Variants in DAB1 observed in about 807,000 individuals in gnomAD.
DAB1 encodes the protein DAB adaptor protein 1, also known as disabled homolog 1.
Under a neutral mutation model 64.6 loss-of-function variants are expected in DAB1, and 15 were observed. The observed-to-expected ratio is 0.23, with a 90% confidence interval of 0.16 to 0.36. The LOEUF is 0.36. Ranked by LOEUF, DAB1 falls within the 10% of genes least tolerant of loss-of-function variation. The pLI is 1.00. For missense variants in DAB1, 596 were observed against 706.7 expected (o/e 0.84, Z 1.78); for synonymous variants, 235 against 251.9 (o/e 0.93, Z 0.64).
chr1:57,077,086 G>C (rs369321266), intron 4 of DAB1, among the ~76,000 whole-genome samples: 1 of 152,274 alleles, frequency 6.6e-6, no homozygotes, highest in South Asian at 2.1e-4. Flanking sequence ...AGGAATGGGC[G>C]AAGGGCATCA....
intron 1 of DAB1, among the ~76,000 whole-genome samples, chr1:57,397,184 T>A (rs533302691): frequency 3.3e-5 from 5 of 152,220 alleles, no homozygotes; most frequent in African/African-American, 1.2e-4. Context: ...ATAGACCATT[T>A]TACACTTAGA....
At position 57,926,770 on chromosome 1, in the gene DAB1, G is replaced by A. The variant is rs576514912; in HGVS notation, n.388-42608C>T. Among the ~76,000 whole-genome samples, 3 of 152,292 alleles carry A rather than the reference G, an allele frequency of 2.0e-5. No homozygotes were observed. The East Asian group carries it at 5.8e-4, about 29-fold the overall frequency. Reference sequence around the variant, plus strand: ...GTTTGTAGTCATGAACTGATATCATGGGACATTGAATCTTCTCAAAATAAT... The same window carrying A: ...GTTTGTAGTCATGAACTGATATCATAGGACATTGAATCTTCTCAAAATAAT... On this transcript the variant is annotated intron_variant and non_coding_transcript_variant, in intron 5 of 20. Coordinates refer to the DAB1 transcript ENST00000485760.
chr1:57,483,582 A>G (rs1426236032), intron 7 of DAB1, among the ~76,000 whole-genome samples: 1 of 152,140 alleles, frequency 6.6e-6, no homozygotes, highest in African/African-American at 2.4e-5. Context: ...TAATACATTT[A>G]TTAATTCAAC....
At chr1:58,530,629 C>A (rs775812966) in intron 1 of DAB1, 5 of 872,692 alleles carry the variant, frequency 5.7e-6, no homozygotes, top group Non-Finnish European at 1.0e-5. Context: ...TATCCACTGG[C>A]ACAAAAGTGC....
At chr1:58,433,426 G>T (rs550187833) in intron 3 of DAB1, among the ~76,000 whole-genome samples, 1 of 152,150 alleles carries the variant, frequency 6.6e-6, no homozygotes, top group East Asian at 1.9e-4. Context: ...CACAGACTGA[G>T]AAATTTATAA....
chr1:57,069,599 G>A (rs1651260513), intron 7 of DAB1, among the ~76,000 whole-genome samples, 174 bp from the exon 8 acceptor site: 1 of 152,194 alleles, frequency 6.6e-6, no homozygotes, highest in Non-Finnish European at 1.5e-5. Context: ...GTACATTCCT[G>A]CCTTTCATAA....
At chr1:57,027,109 C>T (rs977236644) in intron 9 of DAB1, among the ~76,000 whole-genome samples, 15 of 152,178 alleles carry the variant, frequency 9.9e-5, no homozygotes, top group African/African-American at 3.1e-4. Context: ...CTAACCAGGT[C>T]ATGGCTGGAT....
chr1:57,008,236 G>A (rs1646150380), intron 14 of DAB1, among the ~76,000 whole-genome samples: 1 of 152,234 alleles, frequency 6.6e-6, no homozygotes, highest in African/African-American at 2.4e-5. Context: ...AAGCCAGAGA[G>A]CTAAGCAGCA....
chr1:58,180,027 T>G (rs1024987444), intron 4 of DAB1, among the ~76,000 whole-genome samples: 23 of 152,168 alleles, frequency 1.5e-4, no homozygotes, highest in African/African-American at 5.5e-4. Flanking sequence ...GTGCTATAAG[T>G]AATCTAGAGA....
chr1:58,036,588 T>TGC (rs1647048464), intron 5 of DAB1, among the ~76,000 whole-genome samples: 3 of 152,240 alleles, frequency 2.0e-5, no homozygotes, highest in African/African-American at 7.2e-5. Context: ...AACAGTAGTA[T>TGC]TGCAATTCTA....
In DAB1 at chr1:58,134,430, C is replaced by T. The variant is rs970473626; in HGVS notation, n.387+16081G>A. ...AGGCCCCACCTCTTAATAACATCAC[C>T]TTGGGGTTTCAGTTCCAACATACAA... On this transcript the variant is annotated intron_variant and non_coding_transcript_variant, in intron 5 of 20. Coordinates refer to the DAB1 transcript ENST00000485760. Among the ~76,000 whole-genome samples the T allele has an allele frequency of 3.9e-5, 6 of 152,040 alleles. 1 individual carries two copies. The highest frequency in any genetic ancestry group is 1.4e-4 in the African/African-American group (6 of 41,398).
chr1:57,906,713 C>T (rs112657033), intron 5 of DAB1, among the ~76,000 whole-genome samples: 15 of 152,146 alleles, frequency 9.9e-5, no homozygotes, highest in Admixed American at 5.9e-4. Flanking sequence ...AGAGGGTACC[C>T]GGGAGGAGAG....
intron 5 of DAB1, chr1:58,056,557 C>A (rs750706241): frequency 8.6e-5 from 70 of 817,336 alleles, no homozygotes; most frequent in Non-Finnish European, 1.3e-4. Context: ...CACAACCTAA[C>A]TCCCCCATTT....
At chr1:58,482,367 G>A (rs373874649) in intron 3 of DAB1, among the ~76,000 whole-genome samples, 2 of 152,342 alleles carry the variant, frequency 1.3e-5, no homozygotes. Context: ...ACTGATGGCA[G>A]GGTTGAGGGA....
In DAB1 at chr1:58,423,441, A is replaced by G. The variant is rs368127328; in HGVS notation, n.258-80038T>C. 5.9e-5 allele frequency among the ~76,000 whole-genome samples: 9 copies of G among 152,192 alleles called. No homozygotes were observed. The East Asian group carries it at 7.7e-4, about 13-fold the overall frequency. ...GGGGAAGAGGTGGAGGGAAGTTCCA[A>G]CTGGAGGTAGACTTAGGCTTTTCTC... On this transcript the variant is annotated intron_variant and non_coding_transcript_variant, in intron 3 of 20. Coordinates refer to the DAB1 transcript ENST00000485760.
chr1:57,646,166 C>A (rs749849652), intron 7 of DAB1, among the ~76,000 whole-genome samples: 1 of 152,136 alleles, frequency 6.6e-6, no homozygotes, highest in Non-Finnish European at 1.5e-5. Context: ...CAAATTAAAA[C>A]AATACAATAA....
At chr1:57,627,467 A>G (rs1413084145) in intron 7 of DAB1, among the ~76,000 whole-genome samples, 1 of 152,200 alleles carries the variant, frequency 6.6e-6, no homozygotes, top group African/African-American at 2.4e-5. Context: ...ATTACTTTGT[A>G]CTAGACATGT....
At chr1:57,364,691 T>C (rs1332852556) in intron 1 of DAB1, among the ~76,000 whole-genome samples, 1 of 151,942 alleles carries the variant, frequency 6.6e-6, no homozygotes, top group East Asian at 1.9e-4. Flanking sequence ...TATACACTCT[T>C]AGAAGGGAAT....
At chr1:58,321,984 A>G (rs1342231191) in intron 4 of DAB1, among the ~76,000 whole-genome samples, 1 of 152,250 alleles carries the variant, frequency 6.6e-6, no homozygotes, top group Non-Finnish European at 1.5e-5. Context: ...ACCCCTGTGT[A>G]GCCTAACTGG....
Sources: gnomAD v4.1 joint callset for allele counts (sites outside exome capture counted in the v4.1 genomes callset) on GRCh38, gnomAD v4.1.1 for gene constraint, MANE v1.5 for transcripts, NCBI Gene and HGNC (gene_info 2026-07-23, HGNC 2026-07-21) for gene names.